Variants in ABCC3 observed in about 807,000 individuals in gnomAD.
ABCC3 encodes ATP-binding cassette sub-family C member 3.
Under a neutral mutation model 165.3 loss-of-function variants are expected in ABCC3, and 121 were observed. The observed-to-expected ratio is 0.73, with a 90% confidence interval of 0.63 to 0.85. The LOEUF (loss-of-function observed/expected upper bound fraction) is 0.85, where lower values mean the gene tolerates loss of function less well. Among genes scored for constraint, ABCC3 ranks in the 40% least tolerant of loss-of-function variants. The probability of loss-of-function intolerance (pLI) is 0.00; values close to 1 mark genes in which losing one functional copy is unlikely to be tolerated. For missense variants in ABCC3, 1,869 were observed against 1,964.1 expected, an observed-to-expected ratio of 0.95 and a Z score of 0.92; for synonymous variants, 733 against 810.1, an observed-to-expected ratio of 0.90 and a Z score of 1.62.
Position 50,657,272 on chromosome 17 carries a change from C to T in ABCC3, c.486+89C>T, listed in dbSNP as rs1967273285. The stretch of plus-strand genomic sequence containing the variant: ...CAAAGTCACTGCTGGGTCCCAGGTC[C>T]CTCCCTCGAGGCTTCAAGTACAAAC... On this transcript the variant is annotated intron_variant, in intron 4 of 30. Transcript: ENST00000285238. The T allele has an allele frequency of 3.1e-5, 47 of 1,508,586 alleles. 1 individual carries two copies. The South Asian group carries it at 6.0e-4, about 19-fold the overall frequency. 93.5% of individuals were successfully genotyped at this position (1,508,586 alleles called of 1,614,324 possible).
chr17:50,637,568 G>T (rs183534074), intron 1 of ABCC3, among the ~76,000 whole-genome samples: 1 of 152,154 alleles, frequency 6.6e-6, no homozygotes, highest in Non-Finnish European at 1.5e-5. Context: ...ATGCAAGGAG[G>T]GGGTGGGGTG....
At chr17:50,683,843 G>A in intron 27 of ABCC3, 87 bp downstream of exon 27, 2 of 1,560,432 alleles carry the variant, frequency 1.3e-6, no homozygotes, top group Non-Finnish European at 1.7e-6. Context: ...TCTTTTGAGA[G>A]CACAAGTGCT....
At chr17:50,640,116 C>A (rs2054214405) in intron 1 of ABCC3, among the ~76,000 whole-genome samples, 1 of 152,192 alleles carries the variant, frequency 6.6e-6, no homozygotes, top group East Asian at 1.9e-4. Context: ...CCCAGAACCC[C>A]AGCTAGGCCA....
chr17:50,673,952 CTT>C (rs1210010361), intron 19 of ABCC3, among the ~76,000 whole-genome samples: 1 of 17,780 alleles, frequency 5.6e-5, no homozygotes, highest in Non-Finnish European at 1.0e-4. Flanking sequence ...TTCTTTCTTT[CTT>C]TCTTTCTTTC....
chr17:50,676,501 C>A lies in ABCC3; in HGVS notation c.3291C>A (p.Ala1097=). ...ILMLLNSFFN[A]ISTLVVIMAS... ...TGCTGCTCAATTCCTTCTTCAACGC[C>A]ATCTCCACTCTTGTGGTCATCATGG... The change falls in exon 23 of 31, where the codon GCC becomes GCA. Residue 1097 remains alanine (A), a synonymous_variant. Coordinates refer to ENST00000285238, the MANE Select transcript of ABCC3 (RefSeq NM_003786.4). 1 of 1,613,706 alleles carries A rather than the reference C, an allele frequency of 6.2e-7. No individual in the cohort carries two copies.
intron 11 of ABCC3, among the ~76,000 whole-genome samples, chr17:50,666,041 CTTCT>C (rs1451600167): frequency 6.6e-6 from 1 of 152,138 alleles, no homozygotes; most frequent in Non-Finnish European, 1.5e-5. Flanking sequence ...CCAGTCTGGT[CTTCT>C]TTCTTTTCTC....
At chr17:50,678,003 G>T in intron 24 of ABCC3, 60 bp downstream of exon 24, 7 of 1,613,968 alleles carry the variant, frequency 4.3e-6, no homozygotes, top group Non-Finnish European at 5.9e-6. Flanking sequence ...GCTCTCTGGT[G>T]TTCAGGGTCC....
chr17:50,638,350 T>C (rs2054198183), intron 1 of ABCC3, among the ~76,000 whole-genome samples: 2 of 152,098 alleles, frequency 1.3e-5, no homozygotes, highest in African/African-American at 2.4e-5. Context: ...CCAGGAAGCT[T>C]AGAAATCTGA....
At chr17:50,673,974 T>G (rs1241231080) in intron 19 of ABCC3, among the ~76,000 whole-genome samples, 2 of 13,270 alleles carry the variant, frequency 1.5e-4, no homozygotes, top group African/African-American at 3.4e-4. Context: ...CTTTCTTTCT[T>G]TCTTTCTCTC....
chr17:50,668,678 TC>T (rs1967577924), intron 14 of ABCC3, among the ~76,000 whole-genome samples, 161 bp downstream of exon 14: 1 of 152,088 alleles, frequency 6.6e-6, no homozygotes, highest in Non-Finnish European at 1.5e-5. Context: ...TCTGCTCTCC[TC>T]CGCCCTCCTC....
At chr17:50,689,361 T>C (rs1440820364) in intron 30 of ABCC3, among the ~76,000 whole-genome samples, 1 of 152,192 alleles carries the variant, frequency 6.6e-6, no homozygotes, top group Non-Finnish European at 1.5e-5. Flanking sequence ...TCCCTCATTG[T>C]GCCAGATGTC....
At chr17:50,664,330 G>T (rs1012573342) in intron 10 of ABCC3, 17 of 593,752 alleles carry the variant, frequency 2.9e-5, no homozygotes, top group Non-Finnish European at 4.7e-5. Context: ...AACATAGCAA[G>T]ACCTTGTCTC....
chr17:50,675,269 G>T, intron 19 of ABCC3, 93 bp from the exon 20 acceptor site: 2 of 791,484 alleles, frequency 2.5e-6, no homozygotes, highest in Non-Finnish European at 4.0e-6. Context: ...CTTGTCCATT[G>T]AACCCCTTTC....
chr17:50,668,393 A>G (rs1967570899), intron 13 of ABCC3, 37 bp from the exon 14 acceptor site: 8 of 1,585,108 alleles, frequency 5.0e-6, no homozygotes, highest in Non-Finnish European at 6.9e-6. Context: ...GGGTTGGGAA[A>G]GTACAGTCTC....
chr17:50,680,586 C>G (rs549577078), intron 26 of ABCC3, among the ~76,000 whole-genome samples: 55 of 152,188 alleles, frequency 3.6e-4, no homozygotes, highest in African/African-American at 1.3e-3. Context: ...CCATGACCCC[C>G]CTTTGTGTCT....
intron 22 of ABCC3, 41 bp from the exon 23 acceptor site, chr17:50,676,237 A>G (rs1260816658): frequency 6.3e-7 from 1 of 1,595,788 alleles, no homozygotes; most frequent in Admixed American, 1.7e-5. Flanking sequence ...GTGCCCGCTC[A>G]CTAGTCCAGG....
rs140992360 is a variant in ABCC3, at chr17:50,657,155, G to A, written c.458G>A (p.Arg153His). ...LCVVCAIVPF[R>H]SKILLAKAEG... ...GTGGTCTGCGCCATCGTCCCATTCC[G>A]CTCCAAGATCCTTTTAGCCAAGGCA... Residue 153 changes from arginine (R) to histidine (H), a missense_variant, in exon 4 of 31, where the codon CGC (arginine) becomes CAC (histidine). Coordinates refer to ENST00000285238, the MANE Select transcript of ABCC3 (RefSeq NM_003786.4). 6.9e-5 allele frequency: 111 copies of A among 1,614,096 alleles called. No homozygotes were observed. In the African/African-American group the frequency reaches 9.5e-4, roughly 14 times the overall value.
chr17:50,664,376 G>C (rs1967473672), intron 10 of ABCC3: 2 of 478,096 alleles, frequency 4.2e-6, no homozygotes, highest in Non-Finnish European at 7.6e-6. Context: ...AAAAGAAGGA[G>C]GGTTATTCTG....
At chr17:50,683,798 G>A in intron 27 of ABCC3, 42 bp downstream of exon 27, 4 of 1,582,566 alleles carry the variant, frequency 2.5e-6, no homozygotes, top group Non-Finnish European at 3.4e-6. Context: ...GTTCATGCCT[G>A]CAGACATGGC....
Sources: allele counts gnomAD v4.1 joint callset (sites outside exome capture counted in the v4.1 genomes callset), GRCh38; gene constraint gnomAD v4.1.1; transcripts MANE v1.5; gene names NCBI Gene and HGNC (gene_info 2026-07-23, HGNC 2026-07-21).